The following KLRB1 variants were observed in gnomAD, a reference collection of about 807,000 sequenced individuals.
KLRB1 encodes the protein killer cell lectin like receptor B1.
In KLRB1, 27 loss-of-function variants were observed where a neutral mutation model predicts 33.5. The observed-to-expected ratio is 0.81, with a 90% CI of 0.59 to 1.11. The LOEUF is 1.11. Ranked by LOEUF, KLRB1 falls within the 50% of genes most tolerant of loss-of-function variation. The pLI is 0.00. For synonymous variants in KLRB1, 64 were observed against 88.9 expected, an observed-to-expected ratio of 0.72 and a Z score of 1.58; for missense variants, 241 against 254.1, an observed-to-expected ratio of 0.95 and a Z score of 0.35.
At chr12:9,606,451 C>T (rs936410488) in intron 1 of KLRB1, 15 of 151,782 alleles carry the variant, frequency 9.9e-5, no homozygotes, top group African/African-American at 3.6e-4. Context: ...CCAGTTTCAA[C>T]AAATGGTAAG....
chr12:9,607,374 T>TTCTTTCTTTCTC (rs1555097825), intron 1 of KLRB1, among the ~76,000 whole-genome samples: 945 of 94,214 alleles, frequency 0.01, 19 homozygotes, highest in Middle Eastern at 0.027. Flanking sequence ...CTTTCTTTCT[T>TTCTTTCTTTCTC]TCTTTCTTTC....
intron 1 of KLRB1, among the ~76,000 whole-genome samples, chr12:9,607,388 C>CTT (rs1362401821): frequency 1.2e-5 from 1 of 86,798 alleles, no homozygotes; most frequent in East Asian, 3.7e-4. Flanking sequence ...TTCTTTCTTT[C>CTT]TTTCTTTCTT....
At chr12:9,603,596 GT>G (rs1285335357) in intron 1 of KLRB1, among the ~76,000 whole-genome samples, 1 of 60,352 alleles carries the variant, frequency 1.7e-5, no homozygotes, top group Non-Finnish European at 3.1e-5. Flanking sequence ...GGCTAATTTT[GT>G]ATTTTTTTTT....
chr12:9,602,621 A>G (rs1864558030), intron 1 of KLRB1, among the ~76,000 whole-genome samples: 1 of 151,858 alleles, frequency 6.6e-6, no homozygotes, highest in South Asian at 2.1e-4. Context: ...TAGATATATT[A>G]TAATTATAAA....
chr12:9,607,321 C>CTT (rs1282595571), intron 1 of KLRB1, among the ~76,000 whole-genome samples: 1 of 78,162 alleles, frequency 1.3e-5, no homozygotes, highest in Non-Finnish European at 2.7e-5. Context: ...TTCTTCTTTT[C>CTT]TTTCTCTTTC....
intron 5 of KLRB1, 89 bp downstream of exon 5, chr12:9,597,957 A>T (rs1864506598): frequency 1.5e-6 from 1 of 669,302 alleles, no homozygotes; most frequent in African/African-American, 1.9e-5. Flanking sequence ...AACCAAATTA[A>T]AACTACAAAA....
At chr12:9,600,268 T>C (rs774574761) in intron 2 of KLRB1, among the ~76,000 whole-genome samples, 1 of 152,206 alleles carries the variant, frequency 6.6e-6, no homozygotes, top group Non-Finnish European at 1.5e-5. Flanking sequence ...TTCTTTGTTA[T>C]CATCAATTGT....
At chr12:9,597,979 G>A (rs946227999) in intron 5 of KLRB1, 67 bp downstream of exon 5, 51 of 737,958 alleles carry the variant, frequency 6.9e-5, no homozygotes, top group Non-Finnish European at 1.0e-4. Flanking sequence ...TCAATCTTCA[G>A]TGTTACTACC....
chr12:9,605,596 A>T (rs749888630), intron 1 of KLRB1, among the ~76,000 whole-genome samples: 88 of 152,266 alleles, frequency 5.8e-4, no homozygotes, highest in Middle Eastern at 3.4e-3. Context: ...AACAGACCAA[A>T]CCCTTGGCCA....
chr12:9,600,266 TATC>T (rs1450131285), intron 2 of KLRB1, among the ~76,000 whole-genome samples: 1 of 152,194 alleles, frequency 6.6e-6, no homozygotes, highest in Non-Finnish European at 1.5e-5. Context: ...TTTTCTTTGT[TATC>T]ATCAATTGTG....
Position 9,607,779 on chromosome 12 carries a change from A to C in KLRB1, c.61T>G (p.Ser21Ala). Residue 21 changes from serine (S) to alanine (A), a missense_variant, in exon 1 of 6, where the codon TCT (serine) becomes GCT (alanine). Ser to Ala is a moderately conservative substitution (Grantham distance 99). Coordinates refer to ENST00000229402, the MANE Select transcript of KLRB1 (RefSeq NM_002258.3). Reference protein sequence around the residue: ...NLPTDSGPESSSPSSLPRDVC... With the variant: ...NLPTDSGPESASPSSLPRDVC... ...CCCCGAGGAAGAGATGAAGGTGAAG[A>C]ACTTTCTGGGCCTGAGTCTGTGGGT... The C allele has an allele frequency of 6.2e-7, 1 of 1,613,454 alleles. No individual in the cohort carries two copies. The highest frequency in any genetic ancestry group is 8.5e-7 in the Non-Finnish European group (1 of 1,179,466).
At chr12:9,602,234 A>G (rs904441523) in intron 1 of KLRB1, among the ~76,000 whole-genome samples, 3 of 152,244 alleles carry the variant, frequency 2.0e-5, no homozygotes, top group African/African-American at 4.8e-5. Context: ...TGTCTACAAC[A>G]TCGCATAGTC....
In KLRB1 at chr12:9,607,749, A is replaced by T. The variant is rs963389521; in HGVS notation, c.85+6T>A. 18 of 1,600,658 alleles carry T rather than the reference A, an allele frequency of 1.1e-5. No homozygotes were observed. Among genetic ancestry groups the T allele is most frequent in the Non-Finnish European group, 1.5e-5 (18 of 1,167,970 alleles). The stretch of plus-strand genomic sequence containing the variant: ...AAATGCCGAAAGGAAAATTAAAGCC[A>T]CTTACCCCGAGGAAGAGATGAAGGT... On this transcript the variant is annotated splice_donor_region_variant and intron_variant, in intron 1 of 5. Coordinates refer to ENST00000229402, the MANE Select transcript of KLRB1 (RefSeq NM_002258.3).
intron 1 of KLRB1, among the ~76,000 whole-genome samples, chr12:9,602,851 C>G (rs1864559995): frequency 6.6e-6 from 1 of 152,042 alleles, no homozygotes. Context: ...TCAGAACGGC[C>G]ATGAAGCCAT....
At chr12:9,607,339 T>TCTTTCTTCCTTCCTTC (rs1555097765) in intron 1 of KLRB1, among the ~76,000 whole-genome samples, 7 of 61,212 alleles carry the variant, frequency 1.1e-4, no homozygotes, top group African/African-American at 3.2e-4. Flanking sequence ...TTCTTTCCTT[T>TCTTTCTTCCTTCCTTC]CTTTCTTTCT....
chr12:9,600,601 A>G (rs1864530169), intron 2 of KLRB1, among the ~76,000 whole-genome samples: 2 of 152,090 alleles, frequency 1.3e-5, no homozygotes, highest in South Asian at 4.2e-4. Context: ...CTTACCCCCA[A>G]CCCCTTGCTC....
intron 3 of KLRB1, among the ~76,000 whole-genome samples, chr12:9,599,283 A>G (rs112474458): frequency 2.6e-5 from 4 of 152,356 alleles, no homozygotes; most frequent in African/African-American, 7.2e-5. Flanking sequence ...CACACAGATC[A>G]TATTCCACTA....
chr12:9,606,760 A>ATTT (rs1185510083), intron 1 of KLRB1, among the ~76,000 whole-genome samples: 6 of 63,734 alleles, frequency 9.4e-5, no homozygotes, highest in African/African-American at 3.3e-4. Flanking sequence ...ATATATATAT[A>ATTT]TTTTTTTTTT....
chr12:9,595,241 T>C lies in KLRB1; in HGVS notation c.*33A>G. On this transcript the variant is annotated 3_prime_UTR_variant, in exon 6 of 6. Coordinates refer to ENST00000229402, the MANE Select transcript of KLRB1 (RefSeq NM_002258.3). ...CAGCTACAAGTACAGAGATCAGTAATGGGAAGCAAATAAATTGAGATGGGA... is the reference window on the plus strand; with the variant it reads ...CAGCTACAAGTACAGAGATCAGTAACGGGAAGCAAATAAATTGAGATGGGA... 1 of 1,600,884 alleles carries C rather than the reference T, an allele frequency of 6.2e-7. No homozygotes were observed. Among genetic ancestry groups the C allele is most frequent in the Non-Finnish European group, 8.6e-7 (1 of 1,168,600 alleles).
Sources: allele counts gnomAD v4.1 joint callset (sites outside exome capture counted in the v4.1 genomes callset), GRCh38; gene constraint gnomAD v4.1.1; transcripts MANE v1.5; gene names NCBI Gene and HGNC (gene_info 2026-07-23, HGNC 2026-07-21).